The following ACADSB variants were observed in gnomAD, a reference collection of about 807,000 sequenced individuals.
ACADSB encodes the protein acyl-CoA dehydrogenase short/branched chain.
ACADSB carries 40 observed loss-of-function variants against 54.1 expected under a neutral mutation model. That is an observed-to-expected ratio of 0.74 (90% CI 0.57 to 0.96). ACADSB has a LOEUF of 0.96. ACADSB is among the 40% of genes least tolerant of loss of function. The pLI is 0.00. For missense variants in ACADSB, 530 were observed against 510.4 expected (o/e 1.04, Z -0.37); for synonymous variants, 182 against 182.8 (o/e 1.00, Z 0.03).
rs1417981581 is a variant in ACADSB at position 123,056,439 on chromosome 10, GACCTCCCCCTGGGTCCCTCCC to G, written c.*2677_*2697del. On this transcript the variant is annotated 3_prime_UTR_variant, in exon 11 of 11. Coordinates refer to ENST00000358776, the MANE Select transcript of ACADSB (RefSeq NM_001609.4). ...GAAAGACTGGCCCCCCTGATTCGATGACCTCCCCCTGGGTCCCTCCCACAACATGTGGGAATTCCAGAAGAT... is the reference window on the plus strand; with the variant it reads ...GAAAGACTGGCCCCCCTGATTCGATGACAACATGTGGGAATTCCAGAAGAT... The G allele has an allele frequency of 6.3e-6, 1 of 158,730 alleles. No individual in the cohort carries two copies. The highest frequency in any genetic ancestry group is 1.4e-5 in the Non-Finnish European group (1 of 72,788). 9.8% of individuals were successfully genotyped at this position (158,730 alleles called of 1,614,324 possible). A position where few individuals can be genotyped will look rare whatever the true frequency, so the allele number is the denominator to read the frequency against.
intron 8 of ACADSB, among the ~76,000 whole-genome samples, chr10:123,049,838 A>T (rs904407793): frequency 2.0e-5 from 3 of 152,234 alleles, no homozygotes; most frequent in Admixed American, 1.3e-4. Context: ...TATCTTTATA[A>T]CCTCATGGTA....
chr10:123,022,750 A>C (rs1850199138), intron 1 of ACADSB, among the ~76,000 whole-genome samples: 1 of 152,250 alleles, frequency 6.6e-6, no homozygotes, highest in Admixed American at 6.5e-5. Context: ...AACCATAAAG[A>C]ACAAGAAATC....
intron 8 of ACADSB, 44 bp from the exon 9 acceptor site, chr10:123,051,005 T>G (rs1262185333): frequency 1.9e-6 from 3 of 1,603,040 alleles, no homozygotes; most frequent in Non-Finnish European, 2.6e-6. Context: ...AGGTGCTTGC[T>G]TTTTTGAAAT....
intron 4 of ACADSB, 84 bp downstream of exon 4, chr10:123,040,756 C>G: frequency 7.7e-7 from 1 of 1,298,890 alleles, no homozygotes; most frequent in Non-Finnish European, 1.1e-6. Context: ...GCTGCAATGT[C>G]GACTTTACTA....
rs142366173 is a variant in ACADSB at position 123,035,247 on chromosome 10, T to C, written c.202+732T>C. Among the ~76,000 whole-genome samples, 545 of 152,262 alleles carry C rather than the reference T, an allele frequency of 3.6e-3. 3 individuals are homozygous for C. Among genetic ancestry groups the C allele is most frequent in the African/African-American group, 5.8e-3 (243 of 41,554 alleles). ...CTGGGATTACAGGCGTGAGCCACCA[T>C]GCCCAGCCTAGATAGTGGGTTTTCA... On this transcript the variant is annotated intron_variant, in intron 2 of 10. Transcript: ENST00000358776.
intron 8 of ACADSB, among the ~76,000 whole-genome samples, chr10:123,050,142 C>A (rs905913227): frequency 6.6e-6 from 1 of 152,238 alleles, no homozygotes; most frequent in Non-Finnish European, 1.5e-5. Context: ...TGCTGTTTTT[C>A]TCCAACTTTT....
At chr10:123,023,975 C>T (rs1367823289) in intron 1 of ACADSB, among the ~76,000 whole-genome samples, 1 of 152,224 alleles carries the variant, frequency 6.6e-6, no homozygotes, top group East Asian at 1.9e-4. Context: ...CCTTTGGGGT[C>T]CAGTCTTAGA....
chr10:123,034,027 G>A (rs1379041118), intron 1 of ACADSB, among the ~76,000 whole-genome samples: 1 of 152,208 alleles, frequency 6.6e-6, no homozygotes, highest in Non-Finnish European at 1.5e-5. Flanking sequence ...CATCAGTGGT[G>A]CTATAGTTCC....
At chr10:123,026,761 A>G (rs1215410196) in intron 1 of ACADSB, among the ~76,000 whole-genome samples, 1 of 152,166 alleles carries the variant, frequency 6.6e-6, no homozygotes, top group Non-Finnish European at 1.5e-5. Context: ...TAGGATACAT[A>G]GTATGCTACA....
chr10:123,043,572 C>T (rs1041705189), intron 6 of ACADSB, among the ~76,000 whole-genome samples: 5 of 152,174 alleles, frequency 3.3e-5, no homozygotes, highest in Non-Finnish European at 7.3e-5. Flanking sequence ...GGCTATTAAA[C>T]GTGAGCAGCA....
At chr10:123,053,289 T>A in intron 10 of ACADSB, 129 bp downstream of exon 10, 1 of 717,384 alleles carries the variant, frequency 1.4e-6, no homozygotes, top group Non-Finnish European at 2.3e-6. Flanking sequence ...GTTTGGTGGC[T>A]CTATTTATGT....
At chr10:123,019,452 G>C (rs1403416040) in intron 1 of ACADSB, among the ~76,000 whole-genome samples, 1 of 152,218 alleles carries the variant, frequency 6.6e-6, no homozygotes, top group Non-Finnish European at 1.5e-5. Flanking sequence ...GCCAGTCCAG[G>C]ATTGAACAGG....
At chr10:123,032,634 G>A (rs540275303) in intron 1 of ACADSB, among the ~76,000 whole-genome samples, 97 of 140,012 alleles carry the variant, frequency 6.9e-4, no homozygotes, top group African/African-American at 2.6e-3. Context: ...TTGTTGCCCA[G>A]GCTGGAGTGC....
chr10:123,028,231 A>C (rs1459877569), intron 1 of ACADSB, among the ~76,000 whole-genome samples: 3 of 142,260 alleles, frequency 2.1e-5, no homozygotes. Flanking sequence ...TTAGTTGGTA[A>C]ATGTTACTGT....
intron 5 of ACADSB, 67 bp from the exon 6 acceptor site, chr10:123,042,979 T>C: frequency 6.3e-7 from 1 of 1,576,844 alleles, no homozygotes; most frequent in African/African-American, 1.4e-5. Context: ...TCTTTTTACT[T>C]AAACTCTTCA....
chr10:123,050,753 A>C (rs1461157918), intron 8 of ACADSB, among the ~76,000 whole-genome samples: 2 of 152,248 alleles, frequency 1.3e-5, no homozygotes, highest in Non-Finnish European at 2.9e-5. Context: ...TAATTATTAA[A>C]TATAACAGTC....
At chr10:123,046,172 G>A (rs1385059771) in intron 7 of ACADSB, among the ~76,000 whole-genome samples, 1 of 152,062 alleles carries the variant, frequency 6.6e-6, no homozygotes, top group Non-Finnish European at 1.5e-5. Context: ...TTGAATTTGG[G>A]GTTTGTGGTT....
chr10:123,039,733 C>G (rs1850446006), intron 3 of ACADSB, among the ~76,000 whole-genome samples: 1 of 152,174 alleles, frequency 6.6e-6, no homozygotes, highest in East Asian at 1.9e-4. Context: ...TCTTCTGTTT[C>G]CTTATTACAT....
At chr10:123,011,813 C>T (rs985214144) in intron 1 of ACADSB, among the ~76,000 whole-genome samples, 6 of 151,838 alleles carry the variant, frequency 4.0e-5, no homozygotes, top group African/African-American at 9.7e-5. Context: ...GGATTACAGG[C>T]GTGAGCCACC....
Sources: gnomAD v4.1 joint callset for allele counts (sites outside exome capture counted in the v4.1 genomes callset) on GRCh38, gnomAD v4.1.1 for gene constraint, MANE v1.5 for transcripts, NCBI Gene and HGNC (gene_info 2026-07-23, HGNC 2026-07-21) for gene names.